The following MCC variants were observed in gnomAD, a reference collection of about 807,000 sequenced individuals.
MCC encodes the protein colorectal mutant cancer protein.
A neutral mutation model predicts 116.2 loss-of-function variants in MCC; 90 were observed. The ratio of observed to expected loss-of-function variants is 0.77; its 90% CI spans 0.65 to 0.92. MCC has a LOEUF of 0.92. Among genes scored for constraint, MCC ranks in the 40% least tolerant of loss-of-function variants. The probability of loss-of-function intolerance (pLI) is 0.00; values close to 1 mark genes in which losing one functional copy is unlikely to be tolerated. For missense variants in MCC, 1,516 were observed against 1,312.2 expected (o/e 1.16, Z -2.40); for synonymous variants, 578 against 510.5 (o/e 1.13, Z -1.78).
chr5:113,355,178 A>T (rs1768381896), intron 2 of MCC, among the ~76,000 whole-genome samples: 1 of 152,214 alleles, frequency 6.6e-6, no homozygotes, highest in African/African-American at 2.4e-5. Flanking sequence ...TAAAGCATCC[A>T]GAGAAAGATC....
At chr5:113,360,603 A>T (rs1768521828) in intron 2 of MCC, among the ~76,000 whole-genome samples, 1 of 152,184 alleles carries the variant, frequency 6.6e-6, no homozygotes, top group Non-Finnish European at 1.5e-5. Context: ...CTTTAATTTC[A>T]CTCATAGTTA....
At chr5:113,303,178 G>A (rs373157038) in intron 3 of MCC, among the ~76,000 whole-genome samples, 4 of 152,270 alleles carry the variant, frequency 2.6e-5, no homozygotes, top group South Asian at 4.2e-4. Flanking sequence ...TTGCATATAT[G>A]CATCTTGGGT....
chr5:113,032,088 A>G (rs2080896), intron 17 of MCC, among the ~76,000 whole-genome samples: 103,419 of 152,176 alleles, frequency 0.68, 35,559 homozygotes, highest in East Asian at 0.79. Flanking sequence ...ACACAAAAAA[A>G]TGTAAAATAT....
rs372077130 is a variant in MCC at position 113,333,836 on chromosome 5, T to TACATATGTAC, written c.627+6682_627+6683insGTACATATGT. 1.3e-3 allele frequency among the ~76,000 whole-genome samples: 74 copies of TACATATGTAC among 59,170 alleles called. 7 individuals are homozygous for TACATATGTAC. The highest frequency in any genetic ancestry group is 2.6e-3 in the African/African-American group (25 of 9,556). The allele number at this position is 59,170 out of a possible 152,430, so 38.8% of individuals were successfully genotyped here. Reference sequence around the variant, plus strand: ...ATATATGTACATATATGTATATATGTATATATGTATATATGTACATATATG... The same window carrying TACATATGTAC: ...ATATATGTACATATATGTATATATGTACATATGTACATATATGTATATATGTACATATATG... On this transcript the variant is annotated intron_variant, in intron 3 of 18. Coordinates refer to ENST00000408903, the MANE Select transcript of MCC (RefSeq NM_001085377.2).
intron 3 of MCC, among the ~76,000 whole-genome samples, chr5:113,190,226 CTT>C (rs1762086568): frequency 6.6e-6 from 1 of 152,170 alleles, no homozygotes; most frequent in Non-Finnish European, 1.5e-5. Flanking sequence ...AACTAGCTGT[CTT>C]TTGCTTGTGT....
intron 8 of MCC, among the ~76,000 whole-genome samples, chr5:113,089,787 A>C (rs189290290): frequency 6.6e-6 from 1 of 152,362 alleles, no homozygotes; most frequent in African/African-American, 2.4e-5. Flanking sequence ...TTCTAAAAAT[A>C]TTCAAGGAGG....
chr5:113,201,417 C>A (rs1303734851), intron 3 of MCC, among the ~76,000 whole-genome samples: 9 of 145,446 alleles, frequency 6.2e-5, no homozygotes, highest in African/African-American at 2.0e-4. Flanking sequence ...AAAGAAGAAA[C>A]TACTGGCCCA....
intron 17 of MCC, among the ~76,000 whole-genome samples, chr5:113,040,057 G>A (rs1232671526): frequency 6.6e-6 from 1 of 150,866 alleles, no homozygotes; most frequent in African/African-American, 2.4e-5. Flanking sequence ...TCGTGTGCCA[G>A]ACTGGAAACC....
chr5:113,035,792 C>T (rs993392072), intron 17 of MCC, among the ~76,000 whole-genome samples: 1 of 152,120 alleles, frequency 6.6e-6, no homozygotes, highest in Non-Finnish European at 1.5e-5. Context: ...TTATTCATTG[C>T]AAACTAAAGT....
At chr5:113,157,778 G>A (rs1286854076) in intron 3 of MCC, among the ~76,000 whole-genome samples, 1 of 152,212 alleles carries the variant, frequency 6.6e-6, no homozygotes, top group Non-Finnish European at 1.5e-5. Context: ...ACCTCAGTTG[G>A]TACTGAACTC....
intron 1 of MCC, among the ~76,000 whole-genome samples, chr5:113,468,057 C>A (rs1421608653): frequency 6.6e-6 from 1 of 152,170 alleles, no homozygotes; most frequent in African/African-American, 2.4e-5. Flanking sequence ...GCTGAAGTTG[C>A]TTATCAGCTT....
At chr5:113,387,168 C>A (rs1439304062) in intron 1 of MCC, among the ~76,000 whole-genome samples, 1 of 152,108 alleles carries the variant, frequency 6.6e-6, no homozygotes, top group Non-Finnish European at 1.5e-5. Context: ...CAAGCCACCC[C>A]AATCTATCTG....
At chr5:113,274,414 C>T (rs1236175801) in intron 3 of MCC, among the ~76,000 whole-genome samples, 1 of 152,230 alleles carries the variant, frequency 6.6e-6, no homozygotes, top group African/African-American at 2.4e-5. Context: ...GGCTGGAGTG[C>T]AGAGGCACAA....
chr5:113,118,831 G>T (rs1014429823), intron 6 of MCC, among the ~76,000 whole-genome samples: 1 of 152,226 alleles, frequency 6.6e-6, no homozygotes, highest in Middle Eastern at 3.2e-3. Flanking sequence ...TGTGTGAGCA[G>T]CTTTAATGAA....
chr5:113,036,012 C>CTTTTTTTTTTTTTTTTT lies in MCC; in HGVS notation c.2757-6973_2757-6957dup, dbSNP rs771378295. Among the ~76,000 whole-genome samples, 3 of 62,904 alleles carry CTTTTTTTTTTTTTTTTT rather than the reference C, an allele frequency of 4.8e-5. 1 individual carries two copies. Among genetic ancestry groups the CTTTTTTTTTTTTTTTTT allele is most frequent in the African/African-American group, 2.0e-4 (3 of 15,344 alleles). The allele number at this position is 62,904 out of a possible 152,430, so 41.3% of individuals were successfully genotyped here. A position where few individuals can be genotyped will look rare whatever the true frequency, so the allele number is the denominator to read the frequency against. On this transcript the variant is annotated intron_variant, in intron 17 of 18. Coordinates refer to ENST00000408903, the MANE Select transcript of MCC (RefSeq NM_001085377.2). ...GATTCTCATTTTTAAGGATGAGGAA[C>CTTTTTTTTTTTTTTTTT]TTTTTTTTTTTTTTTTTTTTTTTTT...
At chr5:113,395,534 T>A (rs563690134) in intron 1 of MCC, among the ~76,000 whole-genome samples, 19 of 152,318 alleles carry the variant, frequency 1.2e-4, no homozygotes, top group Admixed American at 1.1e-3. Flanking sequence ...ACCAGGCGTA[T>A]ATGTAATTGA....
chr5:113,051,103 TAAC>T (rs1165396613), intron 15 of MCC, among the ~76,000 whole-genome samples: 1 of 152,176 alleles, frequency 6.6e-6, no homozygotes, highest in African/African-American at 2.4e-5. Context: ...AAGAACTTAA[TAAC>T]AACTAGTCCT....
chr5:113,025,609 AAT>A lies in MCC; in HGVS notation c.*1691_*1692del, dbSNP rs1554104021. ...CTCCATCTCAAAAAAAAAAAAAAAA[AAT>A]CACAGGAACTAACTTTGACCAAATG... On this transcript the variant is annotated 3_prime_UTR_variant, in exon 19 of 19. Transcript: ENST00000408903. 4.6e-5 allele frequency: 7 copies of A among 151,874 alleles called. No individual in the cohort carries two copies. The highest frequency in any genetic ancestry group is 1.7e-4 in the African/African-American group (7 of 41,294). The allele number at this position is 151,874 out of a possible 1,614,324, so 9.4% of individuals were successfully genotyped here.
chr5:113,300,457 G>T (rs745575359), intron 3 of MCC, among the ~76,000 whole-genome samples: 1 of 152,138 alleles, frequency 6.6e-6, no homozygotes, highest in Non-Finnish European at 1.5e-5. Context: ...TCACACACAC[G>T]TGAATAATCT....
Sources: gnomAD v4.1 joint callset for allele counts (sites outside exome capture counted in the v4.1 genomes callset) on GRCh38, gnomAD v4.1.1 for gene constraint, MANE v1.5 for transcripts, NCBI Gene and HGNC (gene_info 2026-07-23, HGNC 2026-07-21) for gene names.